The following DCC variants were observed in gnomAD, a reference collection of about 807,000 sequenced individuals.
DCC encodes the protein DCC netrin 1 receptor, also known as netrin receptor DCC.
Under a neutral mutation model 172.5 loss-of-function variants are expected in DCC, and 58 were observed. That is an observed-to-expected ratio of 0.34 (90% CI 0.27 to 0.42). The LOEUF (loss-of-function observed/expected upper bound fraction) is 0.42. Among genes scored for constraint, DCC ranks in the 10% least tolerant of loss-of-function variants. The pLI, the probability that DCC is intolerant of heterozygous loss-of-function variation, is 1.00. For synonymous variants in DCC, 709 were observed against 644.5 expected (o/e 1.10, Z -1.52); for missense variants, 1,740 against 1,791.0 (o/e 0.97, Z 0.51).
intron 1 of DCC, among the ~76,000 whole-genome samples, chr18:52,398,935 C>T (rs1304093673): frequency 2.0e-5 from 3 of 151,878 alleles, no homozygotes; most frequent in Admixed American, 1.3e-4. Flanking sequence ...TAACCAAATA[C>T]TACCCATTCC....
intron 1 of DCC, among the ~76,000 whole-genome samples, chr18:52,574,583 T>C (rs1296146770): frequency 3.3e-5 from 5 of 152,198 alleles, no homozygotes; most frequent in Non-Finnish European, 7.4e-5. Context: ...GATTTAAGTG[T>C]AAGAAGAAAT....
At chr18:52,943,087 ATGTT>A (rs937843607) in intron 5 of DCC, among the ~76,000 whole-genome samples, 14 of 151,810 alleles carry the variant, frequency 9.2e-5, no homozygotes, top group East Asian at 3.9e-4. Flanking sequence ...TACCATTTTG[ATGTT>A]TGTTTGTATC....
chr18:53,159,901 A>G (rs2054807745), intron 8 of DCC, among the ~76,000 whole-genome samples: 1 of 152,182 alleles, frequency 6.6e-6, no homozygotes, highest in African/African-American at 2.4e-5. Context: ...ATTCAGATAA[A>G]GAATTCAGGG....
intron 5 of DCC, among the ~76,000 whole-genome samples, chr18:53,016,482 T>C (rs1395486224): frequency 1.3e-5 from 2 of 152,116 alleles, no homozygotes; most frequent in Non-Finnish European, 2.9e-5. Flanking sequence ...TTGAGAATTA[T>C]GGTCAAATTT....
intron 2 of DCC, among the ~76,000 whole-genome samples, chr18:52,849,209 G>A (rs2145335957): frequency 6.6e-6 from 1 of 152,238 alleles, no homozygotes; most frequent in Admixed American, 6.5e-5. Flanking sequence ...AATTAGTACT[G>A]TCCAGCAGGA....
At chr18:52,781,425 A>C (rs2037540455) in intron 2 of DCC, among the ~76,000 whole-genome samples, 2 of 137,644 alleles carry the variant, frequency 1.5e-5, no homozygotes, top group Non-Finnish European at 3.2e-5. Flanking sequence ...GCTTGATTAC[A>C]AGTCATCATA....
intron 7 of DCC, among the ~76,000 whole-genome samples, chr18:53,146,518 G>A (rs770443825): frequency 4.6e-5 from 7 of 152,170 alleles, no homozygotes; most frequent in Non-Finnish European, 2.9e-5. Flanking sequence ...GAGCCCTGAT[G>A]ACTCAATCAC....
chr18:53,116,045 T>C (rs1162182931), intron 7 of DCC, among the ~76,000 whole-genome samples: 1 of 151,578 alleles, frequency 6.6e-6, no homozygotes, highest in Admixed American at 6.6e-5. Context: ...CATAATGGGT[T>C]GAACGATCGT....
chr18:53,038,763 ACTCAGCCTGGG>A, intron 5 of DCC, among the ~76,000 whole-genome samples: 1 of 152,178 alleles, frequency 6.6e-6, no homozygotes, highest in East Asian at 1.9e-4. Flanking sequence ...GTCTGTGATT[ACTCAGCCTGGG>A]CTCTTTTAAC....
At chr18:53,073,577 AT>A (rs1008959859) in intron 7 of DCC, among the ~76,000 whole-genome samples, 4 of 152,166 alleles carry the variant, frequency 2.6e-5, no homozygotes, top group African/African-American at 9.6e-5. Context: ...TGCTGGTTTT[AT>A]TTTTTTCCCT....
chr18:53,034,084 C>G (rs576701174), intron 5 of DCC, among the ~76,000 whole-genome samples: 110 of 151,924 alleles, frequency 7.2e-4, no homozygotes, highest in Non-Finnish European at 9.7e-4. Flanking sequence ...TCTCTTCTCT[C>G]TTTTTGAGAG....
rs17418338 is a variant in DCC, at chr18:53,529,162, T to C, written c.4255-1402T>C. Among the ~76,000 whole-genome samples the C allele has an allele frequency of 9.3e-3, 1,408 of 152,180 alleles. 4 individuals are homozygous for C. Among genetic ancestry groups the C allele is most frequent in the Non-Finnish European group, 0.014 (922 of 67,998 alleles). On this transcript the variant is annotated intron_variant, in intron 28 of 28. Transcript: ENST00000442544. ...ATTAAGCCCTGAAGATTGGGTAGTG[T>C]ATGCCCGAATCATTCACTGACATGC...
At position 52,586,258 on chromosome 18, in the gene DCC, G is replaced by C. The variant is rs1198492709; in HGVS notation, c.92-165796G>C. On this transcript the variant is annotated intron_variant, in intron 1 of 28. Transcript: ENST00000442544. ...TTTCACTGATAGTCTTGATTGTAAT[G>C]TTTTCATTTTGATATTAAAAATATC... Among the ~76,000 whole-genome samples, 6 of 152,102 alleles carry C rather than the reference G, an allele frequency of 3.9e-5. No individual in the cohort carries two copies. In the East Asian group the frequency reaches 1.2e-3, roughly 29 times the overall value.
chr18:52,341,780 G>A (rs2144218763), intron 1 of DCC, among the ~76,000 whole-genome samples: 1 of 152,306 alleles, frequency 6.6e-6, no homozygotes, highest in Admixed American at 6.5e-5. Context: ...CTCATGATAA[G>A]GTCCACTTGT....
chr18:52,650,659 T>C (rs1484107352), intron 1 of DCC, among the ~76,000 whole-genome samples: 2 of 152,226 alleles, frequency 1.3e-5, no homozygotes, highest in Admixed American at 6.5e-5. Context: ...GTCTGGTATA[T>C]AGTTTTTATT....
At chr18:52,342,267 G>A (rs898545643) in intron 1 of DCC, among the ~76,000 whole-genome samples, 2 of 116,530 alleles carry the variant, frequency 1.7e-5, no homozygotes, top group African/African-American at 6.0e-5. Context: ...GGCAGGAGGG[G>A]TGTGTGTGTG....
intron 7 of DCC, among the ~76,000 whole-genome samples, chr18:53,101,888 A>G (rs189802815): frequency 6.3e-4 from 96 of 151,944 alleles, no homozygotes; most frequent in Admixed American, 2.4e-3. Flanking sequence ...CTTGGCATGT[A>G]GAAGTCCCAA....
chr18:53,382,085 C>T (rs1427887573), intron 15 of DCC, among the ~76,000 whole-genome samples: 6 of 116,792 alleles, frequency 5.1e-5, no homozygotes, highest in Non-Finnish European at 8.6e-5. Context: ...CACACACACA[C>T]ACACACACAC....
intron 5 of DCC, among the ~76,000 whole-genome samples, chr18:53,018,670 C>T (rs1192433855): frequency 1.3e-5 from 2 of 152,046 alleles, no homozygotes. Context: ...GCTCAAGGAG[C>T]ATTTCATGTT....
Sources: gnomAD v4.1 joint callset for allele counts (sites outside exome capture counted in the v4.1 genomes callset) on GRCh38, gnomAD v4.1.1 for gene constraint, MANE v1.5 for transcripts, NCBI Gene and HGNC (gene_info 2026-07-23, HGNC 2026-07-21) for gene names.